The following STMN2 variants were observed in gnomAD, a reference collection of about 807,000 sequenced individuals.
STMN2 encodes the protein stathmin 2.
A neutral mutation model predicts 24.1 loss-of-function variants in STMN2; 2 were observed. The observed-to-expected ratio is 0.08, with a 90% CI of 0.03 to 0.26. The LOEUF is 0.26. Among genes scored for constraint, STMN2 ranks in the 10% least tolerant of loss-of-function variants. The pLI is 1.00. For missense variants in STMN2, 114 were observed against 213.6 expected, an observed-to-expected ratio of 0.53 and a Z score of 2.91; for synonymous variants, 83 against 77.5, an observed-to-expected ratio of 1.07 and a Z score of -0.37.
chr8:79,650,023 A>C (rs1035395500), intron 3 of STMN2, among the ~76,000 whole-genome samples: 1 of 152,160 alleles, frequency 6.6e-6, no homozygotes, highest in African/African-American at 2.4e-5. Context: ...CTCACCAATA[A>C]CGTGCCTCAG....
chr8:79,644,737 AT>A (rs1394315229), intron 3 of STMN2, among the ~76,000 whole-genome samples: 2 of 152,256 alleles, frequency 1.3e-5, no homozygotes, highest in African/African-American at 2.4e-5. Flanking sequence ...TAGAATAATT[AT>A]TTAGTTCATA....
chr8:79,648,071 T>C (rs1350539419), intron 3 of STMN2, among the ~76,000 whole-genome samples: 2 of 152,238 alleles, frequency 1.3e-5, no homozygotes, highest in Non-Finnish European at 2.9e-5. Context: ...TACATGAGCA[T>C]CCTTAGCAGG....
chr8:79,663,386 A>C (rs1806539289), intron 4 of STMN2, among the ~76,000 whole-genome samples: 1 of 152,158 alleles, frequency 6.6e-6, no homozygotes, highest in African/African-American at 2.4e-5. Context: ...CATCTGCAAA[A>C]TGGGGACAAT....
rs545002250 is a variant in STMN2, at chr8:79,665,618, G to T, written c.*744G>T. 141 of 154,516 alleles carry T rather than the reference G, an allele frequency of 9.1e-4. No individual in the cohort carries two copies. Among genetic ancestry groups the T allele is most frequent in the African/African-American group, 3.3e-3 (138 of 41,662 alleles). The allele number at this position is 154,516 out of a possible 1,614,324, so 9.6% of individuals were successfully genotyped here. A position where few individuals can be genotyped will look rare whatever the true frequency, so the allele number is the denominator to read the frequency against. On this transcript the variant is annotated 3_prime_UTR_variant, in exon 5 of 5. Coordinates refer to ENST00000220876, the MANE Select transcript of STMN2 (RefSeq NM_007029.4). ...ACAAATCCAAATTCGAATGGTTCAA[G>T]CAGCCGTGAAATCGCTCTTCATAAA...
intron 4 of STMN2, chr8:79,663,521 C>A (rs887369442): frequency 4.4e-6 from 5 of 1,133,214 alleles, no homozygotes; most frequent in South Asian, 1.5e-5. Context: ...ATATAAAGAA[C>A]CCTATAAGTG....
intron 2 of STMN2, among the ~76,000 whole-genome samples, chr8:79,641,170 T>A (rs1000248447): frequency 6.6e-6 from 1 of 152,230 alleles, no homozygotes; most frequent in African/African-American, 2.4e-5. Flanking sequence ...TGGTAAATAT[T>A]TATTCTGTTA....
chr8:79,651,065 C>A (rs966705950), intron 3 of STMN2, among the ~76,000 whole-genome samples: 1 of 152,144 alleles, frequency 6.6e-6, no homozygotes, highest in East Asian at 1.9e-4. Flanking sequence ...TATGTGTGGA[C>A]TTAAGTTTTA....
At chr8:79,663,534 G>T in intron 4 of STMN2, 1 of 1,294,876 alleles carries the variant, frequency 7.7e-7, no homozygotes, top group Non-Finnish European at 1.1e-6. Context: ...TATAAGTGTA[G>T]ACTCCTTGAG....
chr8:79,640,110 G>A (rs1234538019), intron 2 of STMN2, among the ~76,000 whole-genome samples: 2 of 152,216 alleles, frequency 1.3e-5, no homozygotes, highest in African/African-American at 4.8e-5. Flanking sequence ...TGAGGCAGGA[G>A]AATTGCTTGA....
intron 1 of STMN2, among the ~76,000 whole-genome samples, chr8:79,625,955 C>A (rs776536437): frequency 6.6e-6 from 1 of 152,028 alleles, no homozygotes; most frequent in Non-Finnish European, 1.5e-5. Context: ...GCAAAAAACT[C>A]TGACTCAAAA....
At chr8:79,617,391 C>G (rs1313807113) in intron 1 of STMN2, among the ~76,000 whole-genome samples, 1 of 152,144 alleles carries the variant, frequency 6.6e-6, no homozygotes, top group Non-Finnish European at 1.5e-5. Context: ...AAAAATATAA[C>G]ATTTCCCAAA....
intron 1 of STMN2, among the ~76,000 whole-genome samples, chr8:79,613,209 G>A (rs1281774510): frequency 1.3e-5 from 2 of 151,934 alleles, no homozygotes; most frequent in East Asian, 3.9e-4. Flanking sequence ...GACCCCGCGA[G>A]GGGCTTCTCT....
intron 3 of STMN2, among the ~76,000 whole-genome samples, chr8:79,649,309 AGAG>A (rs1490030789): frequency 2.6e-5 from 4 of 152,088 alleles, no homozygotes; most frequent in Non-Finnish European, 5.9e-5. Flanking sequence ...TCGGTGAAGA[AGAG>A]CACCCCCAAG....
intron 3 of STMN2, among the ~76,000 whole-genome samples, chr8:79,654,300 C>CT (rs1406964250): frequency 1.3e-5 from 2 of 149,812 alleles, no homozygotes; most frequent in Non-Finnish European, 3.0e-5. Flanking sequence ...CAAGGGGACA[C>CT]TAAGTTTGCA....
chr8:79,630,301 G>A (rs148166074), intron 1 of STMN2, among the ~76,000 whole-genome samples: 14 of 151,978 alleles, frequency 9.2e-5, no homozygotes, highest in African/African-American at 2.7e-4. Context: ...TAAAAGTCTC[G>A]CACTTTTTAT....
chr8:79,611,343 A>G, intron 1 of STMN2, 129 bp downstream of exon 1: 1 of 1,280,242 alleles, frequency 7.8e-7, no homozygotes, highest in Non-Finnish European at 1.1e-6. Context: ...CAGGACCAGG[A>G]AGGACAGGGC....
At chr8:79,631,645 T>C (rs1483954808) in intron 1 of STMN2, among the ~76,000 whole-genome samples, 4 of 152,176 alleles carry the variant, frequency 2.6e-5, no homozygotes, top group Non-Finnish European at 5.9e-5. Flanking sequence ...CGATATAGTA[T>C]GTAAGAAGTG....
At chr8:79,637,597 G>A (rs180734380) in intron 2 of STMN2, among the ~76,000 whole-genome samples, 23 of 152,242 alleles carry the variant, frequency 1.5e-4, no homozygotes, top group Middle Eastern at 6.8e-3. Flanking sequence ...TCTTGGAGTT[G>A]TTGTGAGGTT....
chr8:79,632,431 G>C (rs1324229547), intron 1 of STMN2, among the ~76,000 whole-genome samples: 2 of 152,264 alleles, frequency 1.3e-5, no homozygotes, highest in East Asian at 1.9e-4. Flanking sequence ...AAAACCTCCC[G>C]CTAGACTAAT....
Sources: allele counts gnomAD v4.1 joint callset (sites outside exome capture counted in the v4.1 genomes callset), GRCh38; gene constraint gnomAD v4.1.1; transcripts MANE v1.5; gene names NCBI Gene and HGNC (gene_info 2026-07-23, HGNC 2026-07-21).